Variants in ALDH1A1 observed in about 807,000 individuals in gnomAD.
ALDH1A1 encodes the protein aldehyde dehydrogenase 1A1.
A neutral mutation model predicts 62.1 loss-of-function variants in ALDH1A1; 19 were observed. The observed-to-expected ratio is 0.31, with a 90% CI of 0.21 to 0.45. The LOEUF (loss-of-function observed/expected upper bound fraction) is 0.45. ALDH1A1 is among the 20% of genes least tolerant of loss of function. The probability of loss-of-function intolerance (pLI) is 1.00; values close to 1 mark genes in which losing one functional copy is unlikely to be tolerated. For synonymous variants in ALDH1A1, 231 were observed against 215.9 expected, an observed-to-expected ratio of 1.07 and a Z score of -0.61; for missense variants, 521 against 607.1, an observed-to-expected ratio of 0.86 and a Z score of 1.49.
At chr9:72,908,593 AAGAAAGAAAG>A (rs1564622800) in intron 11 of ALDH1A1, among the ~76,000 whole-genome samples, 33 of 147,234 alleles carry the variant, frequency 2.2e-4, no homozygotes, top group African/African-American at 8.1e-4. Flanking sequence ...GAAAGAAAGA[AAGAAAGAAAG>A]AAAGAAAGAA....
At chr9:72,901,406 G>A (rs1177726088) in intron 12 of ALDH1A1, 126 bp from the exon 13 acceptor site, 2 of 581,784 alleles carry the variant, frequency 3.4e-6, no homozygotes, top group African/African-American at 1.8e-5. Context: ...TATTTCTTGT[G>A]TACAGAGCAT....
At chr9:72,931,455 A>T (rs1830281814) in intron 2 of ALDH1A1, among the ~76,000 whole-genome samples, 1 of 152,210 alleles carries the variant, frequency 6.6e-6, no homozygotes. Context: ...AAGTGGCTGA[A>T]CTGAGTTTTA....
intron 5 of ALDH1A1, 196 bp downstream of exon 5, chr9:72,926,920 A>AT: frequency 2.1e-6 from 1 of 480,570 alleles, no homozygotes; most frequent in Non-Finnish European, 3.8e-6. Flanking sequence ...ATATGCCAGA[A>AT]TATAGATAGG....
At chr9:72,946,396 A>G (rs1238791124) in intron 1 of ALDH1A1, among the ~76,000 whole-genome samples, 1 of 151,996 alleles carries the variant, frequency 6.6e-6, no homozygotes, top group Non-Finnish European at 1.5e-5. Flanking sequence ...CAAATTCCCC[A>G]GTGAACAAAT....
intron 7 of ALDH1A1, among the ~76,000 whole-genome samples, chr9:72,922,862 G>C (rs975332702): frequency 1.8e-4 from 27 of 152,232 alleles, no homozygotes; most frequent in African/African-American, 6.5e-4. Flanking sequence ...CTCAATTAGG[G>C]AGTTGCAGAA....
chr9:72,922,588 A>T (rs1224615552), intron 7 of ALDH1A1, among the ~76,000 whole-genome samples: 1 of 152,200 alleles, frequency 6.6e-6, no homozygotes, highest in Admixed American at 6.5e-5. Flanking sequence ...CACTAACAGT[A>T]AAGATAGCTG....
chr9:72,942,585 T>C (rs750246476), intron 1 of ALDH1A1, among the ~76,000 whole-genome samples: 3 of 152,168 alleles, frequency 2.0e-5, no homozygotes, highest in Non-Finnish European at 2.9e-5. Context: ...CAGAATACTT[T>C]AGTGATCCTC....
intron 1 of ALDH1A1, among the ~76,000 whole-genome samples, chr9:72,948,151 A>G (rs1224903620): frequency 2.0e-5 from 3 of 151,902 alleles, no homozygotes; most frequent in African/African-American, 4.8e-5. Flanking sequence ...AATTAAATAC[A>G]TAGAATAGCT....
chr9:72,934,299 T>G (rs573521556), intron 2 of ALDH1A1, among the ~76,000 whole-genome samples: 3 of 152,332 alleles, frequency 2.0e-5, no homozygotes, highest in Admixed American at 1.3e-4. Context: ...TTTTAGGCCC[T>G]ATTATTTCAT....
At chr9:72,927,687 A>G (rs1830229066) in intron 4 of ALDH1A1, among the ~76,000 whole-genome samples, 1 of 152,144 alleles carries the variant, frequency 6.6e-6, no homozygotes, top group Admixed American at 6.5e-5. Context: ...TTATAATATA[A>G]TTTTTAGAAA....
chr9:72,902,867 T>A (rs1188479515), intron 12 of ALDH1A1, among the ~76,000 whole-genome samples: 1 of 151,982 alleles, frequency 6.6e-6, no homozygotes, highest in Non-Finnish European at 1.5e-5. Context: ...ATTCAAATAC[T>A]GATTCTGAAT....
At chr9:72,926,838 T>C in intron 5 of ALDH1A1, 1 of 266,676 alleles carries the variant, frequency 3.7e-6, no homozygotes, top group Non-Finnish European at 7.1e-6. Context: ...ATAATACAAC[T>C]TTTAATAAAA....
intron 5 of ALDH1A1, 117 bp downstream of exon 5, chr9:72,926,999 T>C: frequency 1.3e-6 from 1 of 756,688 alleles, no homozygotes; most frequent in Non-Finnish European, 2.1e-6. Flanking sequence ...AAATCTTACA[T>C]TTACTCCACA....
intron 2 of ALDH1A1, among the ~76,000 whole-genome samples, chr9:72,931,559 A>G (rs1004599593): frequency 3.9e-5 from 6 of 152,210 alleles, no homozygotes. Flanking sequence ...CAAGCTCAAG[A>G]TCCAAAATAA....
intron 7 of ALDH1A1, among the ~76,000 whole-genome samples, chr9:72,921,946 T>A (rs1484419656): frequency 1.3e-5 from 2 of 151,896 alleles, no homozygotes; most frequent in African/African-American, 2.4e-5. Flanking sequence ...AGGGAACGTG[T>A]GGGAGCAAGT....
intron 5 of ALDH1A1, 111 bp downstream of exon 5, chr9:72,927,005 C>T (rs1830220064): frequency 2.5e-6 from 2 of 791,218 alleles, no homozygotes; most frequent in Non-Finnish European, 4.0e-6. Context: ...TACATTTACT[C>T]CACATTTAAC....
rs138511553 is a variant in ALDH1A1 at position 72,929,452 on chromosome 9, T to C, written c.313-431A>G. On this transcript the variant is annotated intron_variant, in intron 3 of 12. Coordinates refer to ENST00000297785, the MANE Select transcript of ALDH1A1 (RefSeq NM_000689.5). The stretch of plus-strand genomic sequence containing the variant: ...GATGGCTCAGTAATCATTTTTAATT[T>C]TTACATTCCATCTGGATATACACAG... Among the ~76,000 whole-genome samples the C allele has an allele frequency of 3.0e-3, 450 of 152,346 alleles. 4 individuals are homozygous for C. The highest frequency in any genetic ancestry group is 0.01 in the African/African-American group (421 of 41,584).
chr9:72,923,056 A>G (rs1178171372), intron 7 of ALDH1A1, among the ~76,000 whole-genome samples: 4 of 152,232 alleles, frequency 2.6e-5, no homozygotes, highest in African/African-American at 9.6e-5. Context: ...TATGCTCACC[A>G]CACTATCTGG....
chr9:72,926,907 G>C (rs1367544389), intron 5 of ALDH1A1: 1 of 461,364 alleles, frequency 2.2e-6, no homozygotes. Context: ...ACATTCTCAA[G>C]AGATATGCCA....
Sources: allele counts gnomAD v4.1 joint callset (sites outside exome capture counted in the v4.1 genomes callset), GRCh38; gene constraint gnomAD v4.1.1; transcripts MANE v1.5; gene names NCBI Gene and HGNC (gene_info 2026-07-23, HGNC 2026-07-21).